Variants in BMPER observed in about 807,000 individuals in gnomAD.
BMPER encodes the protein BMP binding endothelial regulator.
Under a neutral mutation model 87.3 loss-of-function variants are expected in BMPER, and 45 were observed. That is an observed-to-expected ratio of 0.52 (90% confidence interval 0.41 to 0.66). The LOEUF (loss-of-function observed/expected upper bound fraction) is 0.66, where lower values mean the gene tolerates loss of function less well. Among genes scored for constraint, BMPER ranks in the 30% least tolerant of loss-of-function variants. The pLI, the probability that BMPER is intolerant of heterozygous loss-of-function variation, is 0.00. For synonymous variants in BMPER, 326 were observed against 316.2 expected (o/e 1.03, Z -0.33); for missense variants, 784 against 867.5 (o/e 0.90, Z 1.21).
At chr7:33,954,836 T>C (rs1785112408) in intron 3 of BMPER, among the ~76,000 whole-genome samples, 1 of 152,182 alleles carries the variant, frequency 6.6e-6, no homozygotes, top group South Asian at 2.1e-4. Flanking sequence ...AGTAGCTGCT[T>C]TTCTTGACAG....
intron 6 of BMPER, among the ~76,000 whole-genome samples, chr7:34,024,139 G>A (rs1562694905): frequency 6.6e-6 from 1 of 150,680 alleles, no homozygotes; most frequent in Non-Finnish European, 1.5e-5. Context: ...GGGTGGATCA[G>A]TTGAGGTCAG....
chr7:34,110,866 A>T (rs890272812), intron 13 of BMPER, among the ~76,000 whole-genome samples: 63 of 152,214 alleles, frequency 4.1e-4, no homozygotes, highest in Admixed American at 3.3e-4. Flanking sequence ...TTTAGGATTG[A>T]GAGATTGTTG....
At chr7:33,959,049 TC>T (rs1165721933) in intron 3 of BMPER, among the ~76,000 whole-genome samples, 3 of 152,158 alleles carry the variant, frequency 2.0e-5, no homozygotes, top group Admixed American at 2.0e-4. Context: ...CTTTTGCTCT[TC>T]CTTCATCTTC....
intron 2 of BMPER, among the ~76,000 whole-genome samples, chr7:33,923,462 T>A (rs993030212): frequency 2.0e-5 from 3 of 152,198 alleles, no homozygotes; most frequent in Non-Finnish European, 4.4e-5. Context: ...TTCCTAAACT[T>A]AAGTCAAATC....
intron 13 of BMPER, among the ~76,000 whole-genome samples, chr7:34,103,423 C>T (rs1383122864): frequency 6.6e-6 from 1 of 152,168 alleles, no homozygotes; most frequent in East Asian, 1.9e-4. Context: ...ACCTGGTATT[C>T]TACAGGGGGA....
At chr7:33,996,456 A>T (rs563844100) in intron 6 of BMPER, among the ~76,000 whole-genome samples, 1 of 152,310 alleles carries the variant, frequency 6.6e-6, no homozygotes, top group African/African-American at 2.4e-5. Flanking sequence ...TACTGAGGAG[A>T]AACCTACCAA....
chr7:34,003,072 T>C (rs193023286), intron 6 of BMPER, among the ~76,000 whole-genome samples: 6 of 151,946 alleles, frequency 3.9e-5, no homozygotes, highest in Admixed American at 3.3e-4. Context: ...GTATGTCTTA[T>C]GTCTTTTTTG....
chr7:34,031,868 T>G (rs1308710222), intron 6 of BMPER, among the ~76,000 whole-genome samples: 1 of 132,758 alleles, frequency 7.5e-6, no homozygotes, highest in Admixed American at 8.0e-5. Context: ...GCATGGCATT[T>G]AAAATTAATT....
At chr7:33,997,662 C>T (rs150994471) in intron 6 of BMPER, among the ~76,000 whole-genome samples, 160 of 152,256 alleles carry the variant, frequency 1.1e-3, no homozygotes, top group African/African-American at 3.4e-3. Flanking sequence ...AGTGTGAAAA[C>T]GGAGTAATAT....
chr7:34,037,686 A>G (rs6951508), intron 6 of BMPER, among the ~76,000 whole-genome samples: 74,340 of 152,058 alleles, frequency 0.49, 18,398 homozygotes, highest in African/African-American at 0.56. Flanking sequence ...TTGGCAACAA[A>G]GACAGTTTTC....
chr7:34,122,618 T>C (rs1692741115), intron 13 of BMPER, among the ~76,000 whole-genome samples: 1 of 152,192 alleles, frequency 6.6e-6, no homozygotes, highest in South Asian at 2.1e-4. Context: ...AGAGAAATCA[T>C]TGTTAACAGG....
chr7:34,055,364 C>T, intron 9 of BMPER, 61 bp downstream of exon 9: 1 of 1,604,532 alleles, frequency 6.2e-7, no homozygotes, highest in South Asian at 1.1e-5. Flanking sequence ...TTAAAAAGCT[C>T]CAGACACTAG....
Position 34,071,133 on chromosome 7 carries a change from T to C in BMPER, c.1079-7724T>C, listed in dbSNP as rs557159897. On this transcript the variant is annotated intron_variant, in intron 11 of 14. Coordinates refer to ENST00000649409, the MANE Select transcript of BMPER (RefSeq NM_001365308.1). ...ATTCTAGCCCCAAATCTGTATTTTA[T>C]GTCTTTTATAGACTACCTCAATTTA... Among the ~76,000 whole-genome samples, 259 of 152,336 alleles carry C rather than the reference T, an allele frequency of 1.7e-3. 1 individual carries two copies. The highest frequency in any genetic ancestry group is 3.4e-3 in the Middle Eastern group (1 of 294).
chr7:33,949,242 T>C (rs1192235464), intron 3 of BMPER, among the ~76,000 whole-genome samples: 1 of 152,226 alleles, frequency 6.6e-6, no homozygotes, highest in African/African-American at 2.4e-5. Context: ...TGTGTGTATG[T>C]GTGTGCTTGG....
chr7:34,058,242 C>G, intron 10 of BMPER, 79 bp downstream of exon 10: 1 of 1,325,194 alleles, frequency 7.5e-7, no homozygotes, highest in Admixed American at 1.8e-5. Context: ...ATGCCATCTT[C>G]CGAACACAGA....
chr7:34,152,396 C>G (rs528877941), intron 14 of BMPER, among the ~76,000 whole-genome samples: 2 of 152,236 alleles, frequency 1.3e-5, no homozygotes, highest in Admixed American at 1.3e-4. Context: ...TCTGACAAGT[C>G]TAGTCATGAA....
chr7:34,132,431 C>T lies in BMPER; in HGVS notation c.1746-10799C>T, dbSNP rs1244241436. On this transcript the variant is annotated intron_variant, in intron 13 of 14. Transcript: ENST00000649409. The stretch of plus-strand genomic sequence containing the variant: ...CCCCAGGATCGAAGCCAGTTCTGCC[C>T]TGCTCTCCCTACCACGCCCCAAAGG... 2.6e-5 allele frequency among the ~76,000 whole-genome samples: 4 copies of T among 151,976 alleles called. No individual in the cohort carries two copies. In the East Asian group the frequency reaches 7.8e-4, roughly 30 times the overall value.
chr7:33,934,964 A>C (rs1784567446), intron 2 of BMPER, among the ~76,000 whole-genome samples: 1 of 152,230 alleles, frequency 6.6e-6, no homozygotes. Context: ...ACGCTTTTCA[A>C]AATGAAGTCA....
In BMPER at chr7:33,937,458, C is replaced by T. The variant is rs1459895383; in HGVS notation, c.319+70C>T. On this transcript the variant is annotated intron_variant, in intron 3 of 14. Transcript: ENST00000649409. ...GCATTTTTATTTCTCTTTCTCTCAC[C>T]TTCCTTTTCACTCAGCTTTTGGCTG... is the stretch of plus-strand genomic sequence containing the variant. 4 of 1,507,442 alleles carry T rather than the reference C, an allele frequency of 2.7e-6. No individual in the cohort carries two copies. In the East Asian group the frequency reaches 9.1e-5, roughly 34 times the overall value. The allele number at this position is 1,507,442 out of a possible 1,614,324, so 93.4% of individuals were successfully genotyped here.
Sources: gnomAD v4.1 joint callset for allele counts (sites outside exome capture counted in the v4.1 genomes callset) on GRCh38, gnomAD v4.1.1 for gene constraint, MANE v1.5 for transcripts, NCBI Gene and HGNC (gene_info 2026-07-23, HGNC 2026-07-21) for gene names.